LPP: variants seen among roughly 807,000 people sequenced by gnomAD.
The protein encoded by LPP is lipoma-preferred partner.
LPP carries 38 observed loss-of-function variants against 60.4 expected under a neutral mutation model. The observed-to-expected ratio is 0.63, with a 90% confidence interval of 0.49 to 0.83. LPP has a LOEUF of 0.83. Among genes scored for constraint, LPP ranks in the 40% least tolerant of loss-of-function variants. The probability of loss-of-function intolerance (pLI) is 0.00; values close to 1 mark genes in which losing one functional copy is unlikely to be tolerated. For missense variants in LPP, 902 were observed against 783.6 expected (o/e 1.15, Z -1.80); for synonymous variants, 328 against 290.8 (o/e 1.13, Z -1.30).
intron 6 of LPP, among the ~76,000 whole-genome samples, chr3:188,564,233 T>A (rs1269676997): frequency 6.6e-6 from 1 of 151,988 alleles, no homozygotes; most frequent in Non-Finnish European, 1.5e-5. Context: ...GCCATACTCC[T>A]TCTTTCCACC....
intron 9 of LPP, among the ~76,000 whole-genome samples, chr3:188,865,702 A>T (rs1766406889): frequency 6.6e-6 from 1 of 152,110 alleles, no homozygotes; most frequent in South Asian, 2.1e-4. Flanking sequence ...TTGTAAATAA[A>T]GTATTACTGG....
intron 3 of LPP, among the ~76,000 whole-genome samples, chr3:188,399,119 C>T (rs7634898): frequency 0.19 from 29,250 of 152,072 alleles, 6,132 homozygotes; most frequent in African/African-American, 0.53. Context: ...CTACATTTTT[C>T]GAGAAGGACA....
chr3:188,633,648 C>A (rs1279604333), intron 7 of LPP, among the ~76,000 whole-genome samples: 1 of 152,076 alleles, frequency 6.6e-6, no homozygotes, highest in Non-Finnish European at 1.5e-5. Context: ...TGAGGAGGGG[C>A]ATGCTAACAA....
chr3:188,424,837 A>T (rs1788846079), intron 4 of LPP, among the ~76,000 whole-genome samples: 1 of 151,976 alleles, frequency 6.6e-6, no homozygotes, highest in African/African-American at 2.4e-5. Context: ...GCTTAAGGAG[A>T]TTTTGGGTTG....
At chr3:188,365,212 T>A (rs574587155) in intron 3 of LPP, among the ~76,000 whole-genome samples, 21 of 151,686 alleles carry the variant, frequency 1.4e-4, no homozygotes, top group Non-Finnish European at 2.6e-4. Context: ...TCTTGTCCTC[T>A]GCCATTAAAA....
chr3:188,252,178 T>C (rs1211585053), intron 2 of LPP, among the ~76,000 whole-genome samples: 1 of 18,832 alleles, frequency 5.3e-5, no homozygotes, highest in Non-Finnish European at 1.0e-4. Flanking sequence ...AACATATATA[T>C]ATATATATAT....
chr3:188,725,845 A>C lies in LPP; in HGVS notation c.1240+17452A>C, dbSNP rs185648591. 2.0e-5 allele frequency among the ~76,000 whole-genome samples: 3 copies of C among 152,298 alleles called. No homozygotes were observed. In the East Asian group the frequency reaches 5.8e-4, roughly 29 times the overall value. On this transcript the variant is annotated intron_variant, in intron 8 of 11. Coordinates refer to ENST00000617246, the MANE Select transcript of LPP (RefSeq NM_001375462.1). Reference sequence around the variant, plus strand: ...AGTGGAGAAAGATTTTCTGACATAGATCATGTTAAGACTGAATATTAATGG... The same window carrying C: ...AGTGGAGAAAGATTTTCTGACATAGCTCATGTTAAGACTGAATATTAATGG...
chr3:188,834,633 A>G (rs920551035), intron 9 of LPP, among the ~76,000 whole-genome samples: 2 of 152,158 alleles, frequency 1.3e-5, no homozygotes, highest in Admixed American at 6.6e-5. Flanking sequence ...TGCGATACAG[A>G]TAACCTTTTT....
At chr3:188,834,747 T>A (rs1757983833) in intron 9 of LPP, among the ~76,000 whole-genome samples, 1 of 152,194 alleles carries the variant, frequency 6.6e-6, no homozygotes. Flanking sequence ...AGGTTCCATG[T>A]CTCGTGGACC....
chr3:188,736,105 CTT>C (rs1429429676), intron 8 of LPP, among the ~76,000 whole-genome samples: 2 of 152,166 alleles, frequency 1.3e-5, no homozygotes, highest in Non-Finnish European at 2.9e-5. Flanking sequence ...GACTGCAAAA[CTT>C]AATGTTTAGA....
At chr3:188,263,977 C>A (rs1734558057) in intron 2 of LPP, among the ~76,000 whole-genome samples, 1 of 152,184 alleles carries the variant, frequency 6.6e-6, no homozygotes, top group African/African-American at 2.4e-5. Flanking sequence ...GGAGGGTCTA[C>A]TGTGTGCAAG....
intron 2 of LPP, among the ~76,000 whole-genome samples, chr3:188,247,624 C>A (rs1469306713): frequency 1.3e-5 from 2 of 151,802 alleles, no homozygotes; most frequent in African/African-American, 4.8e-5. Context: ...CATGGTGAAA[C>A]CCTGTTTCTA....
chr3:188,722,208 G>C (rs1716701843), intron 8 of LPP, among the ~76,000 whole-genome samples: 1 of 152,176 alleles, frequency 6.6e-6, no homozygotes, highest in Admixed American at 6.5e-5. Context: ...TGTTGAATAT[G>C]ATGAAGAATA....
At chr3:188,678,663 A>G (rs1858688599) in intron 7 of LPP, among the ~76,000 whole-genome samples, 1 of 152,218 alleles carries the variant, frequency 6.6e-6, no homozygotes, top group Non-Finnish European at 1.5e-5. Flanking sequence ...ACATTCATAC[A>G]TGTATTCAGC....
At chr3:188,269,610 G>C (rs16863131) in intron 2 of LPP, among the ~76,000 whole-genome samples, 17,188 of 148,950 alleles carry the variant, frequency 0.12, 1,326 homozygotes, top group African/African-American at 0.22. Context: ...CCTAACACAT[G>C]TTCTGATTGG....
intron 3 of LPP, among the ~76,000 whole-genome samples, chr3:188,347,763 G>T (rs1184099518): frequency 2.6e-5 from 4 of 152,214 alleles, no homozygotes; most frequent in Non-Finnish European, 1.5e-5. Context: ...CACTGTGAGT[G>T]TGTGGGGGGG....
At chr3:188,477,144 T>A (rs1803450169) in intron 4 of LPP, among the ~76,000 whole-genome samples, 1 of 152,218 alleles carries the variant, frequency 6.6e-6, no homozygotes, top group Admixed American at 6.5e-5. Flanking sequence ...CCACTGTATC[T>A]TGGAAGTCAA....
At chr3:188,431,028 T>C (rs1007771943) in intron 4 of LPP, among the ~76,000 whole-genome samples, 1 of 152,134 alleles carries the variant, frequency 6.6e-6, no homozygotes. Flanking sequence ...ATTTTGCTAA[T>C]GGTAAGTTTA....
At chr3:188,720,191 G>A (rs1365115303) in intron 8 of LPP, among the ~76,000 whole-genome samples, 2 of 152,158 alleles carry the variant, frequency 1.3e-5, no homozygotes, top group Non-Finnish European at 1.5e-5. Flanking sequence ...GATTACAGGC[G>A]TGAGCCACTG....
Sources: gnomAD v4.1 joint callset for allele counts (sites outside exome capture counted in the v4.1 genomes callset) on GRCh38, gnomAD v4.1.1 for gene constraint, MANE v1.5 for transcripts, NCBI Gene and HGNC (gene_info 2026-07-23, HGNC 2026-07-21) for gene names.